ROBO1: variants seen among roughly 807,000 people sequenced by gnomAD.
ROBO1 encodes the protein roundabout guidance receptor 1, also known as roundabout homolog 1.
Under a neutral mutation model 195.9 loss-of-function variants are expected in ROBO1, and 149 were observed. The observed-to-expected ratio is 0.76, with a 90% CI of 0.67 to 0.87. The LOEUF is 0.87. ROBO1 is among the 40% of genes least tolerant of loss of function. The pLI is 0.00. For synonymous variants in ROBO1, 816 were observed against 733.2 expected (o/e 1.11, Z -1.82); for missense variants, 1,933 against 2,068.3 (o/e 0.93, Z 1.27).
chr3:79,619,466 T>TC (rs2107968287), intron 1 of ROBO1, among the ~76,000 whole-genome samples: 1 of 152,240 alleles, frequency 6.6e-6, no homozygotes, highest in Non-Finnish European at 1.5e-5. Flanking sequence ...CGATAATGGT[T>TC]CTAAATGGCC....
chr3:78,718,800 AAG>A lies in ROBO1; in HGVS notation c.658-919_658-918del, dbSNP rs1576012504. ...TAAAGGAAGAAGGAAGGAAGGAAGGAAGGAAGGGAGGGAGGGAGAGAGGGAGA... is the reference window on the plus strand; with the variant it reads ...TAAAGGAAGAAGGAAGGAAGGAAGGAGAAGGGAGGGAGGGAGAGAGGGAGA... On this transcript the variant is annotated intron_variant, in intron 5 of 30. Transcript: ENST00000464233. Among the ~76,000 whole-genome samples, 3 of 94,886 alleles carry A rather than the reference AAG, an allele frequency of 3.2e-5. No homozygotes were observed. The East Asian group carries it at 9.6e-4, about 30-fold the overall frequency. The allele number at this position is 94,886 out of a possible 152,430, so 62.2% of individuals were successfully genotyped here. A position where few individuals can be genotyped will look rare whatever the true frequency, so the allele number is the denominator to read the frequency against.
At chr3:78,979,737 C>T (rs961918182) in intron 3 of ROBO1, among the ~76,000 whole-genome samples, 1 of 151,790 alleles carries the variant, frequency 6.6e-6, no homozygotes, top group Non-Finnish European at 1.5e-5. Context: ...CTATGAAAGC[C>T]CCCTGGCATA....
intron 4 of ROBO1, among the ~76,000 whole-genome samples, chr3:78,882,510 G>A (rs1283163873): frequency 5.3e-5 from 8 of 152,050 alleles, no homozygotes; most frequent in Admixed American, 5.2e-4. Context: ...CTGACATTTT[G>A]AGCATAAGGC....
chr3:78,647,603 G>A (rs756047622), intron 20 of ROBO1, 26 bp downstream of exon 20: 3 of 1,604,436 alleles, frequency 1.9e-6, no homozygotes, highest in Non-Finnish European at 2.6e-6. Context: ...ACAATGGAAA[G>A]GAGGAGGGTA....
chr3:79,558,507 T>G (rs1942793569), intron 2 of ROBO1, among the ~76,000 whole-genome samples: 1 of 152,200 alleles, frequency 6.6e-6, no homozygotes, highest in Admixed American at 6.5e-5. Flanking sequence ...TATTAATAAT[T>G]AAGTCTTTGG....
chr3:79,562,804 G>C (rs1204910675), intron 2 of ROBO1, among the ~76,000 whole-genome samples: 2 of 151,794 alleles, frequency 1.3e-5, no homozygotes, highest in Admixed American at 1.3e-4. Flanking sequence ...AAAATAAAGT[G>C]ATATCCATTC....
At chr3:79,215,454 C>T (rs561592932) in intron 2 of ROBO1, among the ~76,000 whole-genome samples, 1 of 152,206 alleles carries the variant, frequency 6.6e-6, no homozygotes, top group African/African-American at 2.4e-5. Flanking sequence ...TTCTGCCTCC[C>T]CTACTCCGAC....
chr3:79,667,703 C>A (rs769139583), intron 1 of ROBO1, among the ~76,000 whole-genome samples: 3 of 151,650 alleles, frequency 2.0e-5, no homozygotes, highest in Non-Finnish European at 4.4e-5. Flanking sequence ...GAGATTTTTT[C>A]AGTGATGTCT....
At chr3:79,566,213 A>G (rs1206112364) in intron 2 of ROBO1, among the ~76,000 whole-genome samples, 1 of 152,188 alleles carries the variant, frequency 6.6e-6, no homozygotes, top group East Asian at 1.9e-4. Flanking sequence ...ACAACTTAAT[A>G]ACATTAGTTC....
At position 79,256,915 on chromosome 3, in the gene ROBO1, C is replaced by T. The variant is rs142820426; in HGVS notation, c.89-131376G>A. Among the ~76,000 whole-genome samples, 38 of 152,240 alleles carry T rather than the reference C, an allele frequency of 2.5e-4. No individual in the cohort carries two copies. The East Asian group carries it at 7.2e-3, about 29-fold the overall frequency. The stretch of plus-strand genomic sequence containing the variant: ...CTGATTGAATGTGTCTTAGTAACCT[C>T]TAAATTTTTAGATTTTAACTTGTAG... On this transcript the variant is annotated intron_variant, in intron 2 of 30. Transcript: ENST00000464233.
At chr3:79,691,930 T>C (rs553648875) in intron 1 of ROBO1, among the ~76,000 whole-genome samples, 1 of 151,938 alleles carries the variant, frequency 6.6e-6, no homozygotes, top group Non-Finnish European at 1.5e-5. Context: ...TAGTTTTGTA[T>C]TAGACAGCAC....
rs1707074507 is a variant in ROBO1 at position 78,657,025 on chromosome 3, C to T, written c.2614+73G>A. The stretch of plus-strand genomic sequence containing the variant: ...AATTAGCAATGGTGGGTGGCTCAGC[C>T]ACATGCAAAAAAGCAAAGTGGGACA... On this transcript the variant is annotated intron_variant, in intron 18 of 30. Transcript: ENST00000464233. The T allele has an allele frequency of 5.9e-5, 83 of 1,415,194 alleles. 1 individual carries two copies. The South Asian group carries it at 1.1e-3, about 19-fold the overall frequency. 87.7% of individuals were successfully genotyped at this position (1,415,194 alleles called of 1,614,324 possible). A position where few individuals can be genotyped will look rare whatever the true frequency, so the allele number is the denominator to read the frequency against.
chr3:79,209,992 T>C (rs1048308944), intron 2 of ROBO1, among the ~76,000 whole-genome samples: 2 of 152,020 alleles, frequency 1.3e-5, no homozygotes, highest in African/African-American at 2.4e-5. Flanking sequence ...CTCAGGAATA[T>C]ACTTAACCAA....
chr3:79,349,796 CA>C (rs1387104969), intron 2 of ROBO1, among the ~76,000 whole-genome samples: 1 of 152,088 alleles, frequency 6.6e-6, no homozygotes, highest in Non-Finnish European at 1.5e-5. Flanking sequence ...ACACCGTGTA[CA>C]AAAATTAACT....
chr3:79,101,693 T>G (rs1459440669), intron 3 of ROBO1, among the ~76,000 whole-genome samples: 1 of 151,924 alleles, frequency 6.6e-6, no homozygotes, highest in Non-Finnish European at 1.5e-5. Flanking sequence ...TGAAGTTGGA[T>G]AGCTATAAAT....
chr3:78,756,441 A>G (rs1044648178), intron 4 of ROBO1, among the ~76,000 whole-genome samples: 4 of 152,220 alleles, frequency 2.6e-5, no homozygotes, highest in Non-Finnish European at 2.9e-5. Context: ...ACAGCATTTC[A>G]CTTTCACATA....
In ROBO1 at chr3:79,105,879, G is replaced by T. The variant is rs993038473; in HGVS notation, c.172+19577C>A. 2.0e-5 allele frequency among the ~76,000 whole-genome samples: 3 copies of T among 151,676 alleles called. No individual in the cohort carries two copies. In the South Asian group the frequency reaches 6.2e-4, roughly 31 times the overall value. On this transcript the variant is annotated intron_variant, in intron 3 of 30. Transcript: ENST00000464233. ...GCTCCTGCTGTGTATATAGGTTTGG[G>T]AAATATTTATTTTTGTAGAATGGAT...
chr3:79,081,779 CT>C (rs2079279294), intron 3 of ROBO1, among the ~76,000 whole-genome samples: 1 of 152,104 alleles, frequency 6.6e-6, no homozygotes, highest in Non-Finnish European at 1.5e-5. Context: ...TAGAATCTAG[CT>C]TTTGTGACAG....
intron 1 of ROBO1, among the ~76,000 whole-genome samples, chr3:79,757,411 A>G (rs1704462702): frequency 6.6e-6 from 1 of 152,104 alleles, no homozygotes; most frequent in Non-Finnish European, 1.5e-5. Context: ...ACAGAGGACA[A>G]AACAGCTCTA....
Sources: gnomAD v4.1 joint callset for allele counts (sites outside exome capture counted in the v4.1 genomes callset) on GRCh38, gnomAD v4.1.1 for gene constraint, MANE v1.5 for transcripts, NCBI Gene and HGNC (gene_info 2026-07-23, HGNC 2026-07-21) for gene names.